NHSL1: variants seen among roughly 807,000 people sequenced by gnomAD.
The protein encoded by NHSL1 is NHS like 1.
NHSL1 carries 48 observed loss-of-function variants against 95.0 expected under a neutral mutation model. The ratio of observed to expected loss-of-function variants is 0.51; its 90% CI spans 0.40 to 0.64. NHSL1 has a LOEUF of 0.64. NHSL1 is among the 30% of genes least tolerant of loss of function. The pLI, the probability that NHSL1 is intolerant of heterozygous loss-of-function variation, is 0.00. For synonymous variants in NHSL1, 783 were observed against 833.9 expected, an observed-to-expected ratio of 0.94 and a Z score of 1.05; for missense variants, 1,971 against 2,077.7, an observed-to-expected ratio of 0.95 and a Z score of 1.00.
rs1376839561 is a variant in NHSL1 at position 138,433,693 on chromosome 6, C to T, written c.665-13G>A. The T allele has an allele frequency of 6.6e-7, 1 of 1,506,298 alleles. No homozygotes were observed. Among genetic ancestry groups the T allele is most frequent in the Admixed American group, 2.2e-5 (1 of 45,998 alleles). The allele number at this position is 1,506,298 out of a possible 1,614,324, so 93.3% of individuals were successfully genotyped here. A position where few individuals can be genotyped will look rare whatever the true frequency, so the allele number is the denominator to read the frequency against. On this transcript the variant is annotated splice_polypyrimidine_tract_variant and intron_variant, in intron 5 of 7. Transcript: ENST00000343505. ...CCAGTGCCTGATGCTGGAGATAAAG[C>T]AGAAAGAGGCTTGTTACCTGAAAAT...
At chr6:138,631,851 G>A (rs1784824023) in intron 1 of NHSL1, among the ~76,000 whole-genome samples, 1 of 152,128 alleles carries the variant, frequency 6.6e-6, no homozygotes, top group Non-Finnish European at 1.5e-5. Flanking sequence ...GAAAAGTAAA[G>A]AGGGCTTAGA....
chr6:138,591,889 C>T (rs569145243), intron 1 of NHSL1, among the ~76,000 whole-genome samples: 3 of 152,268 alleles, frequency 2.0e-5, no homozygotes, highest in South Asian at 2.1e-4. Flanking sequence ...ACAGACTACT[C>T]GGTTATCAGA....
At chr6:138,687,007 T>A (rs952449321) in intron 1 of NHSL1, among the ~76,000 whole-genome samples, 2 of 152,132 alleles carry the variant, frequency 1.3e-5, no homozygotes, top group African/African-American at 4.8e-5. Flanking sequence ...GGGACTGGGA[T>A]TAGAGGGGGG....
At position 138,543,240 on chromosome 6, in the gene NHSL1, C is replaced by T. The variant is rs973754618; in HGVS notation, c.16+2383G>A. ...CCTTTGTTAGCCACAGAGACCTTAG[C>T]TGAACTTCGCAGAACATCTTCACAA... On this transcript the variant is annotated intron_variant, in intron 1 of 4. Coordinates refer to the NHSL1 transcript ENST00000342260. Among the ~76,000 whole-genome samples the T allele has an allele frequency of 3.3e-5, 5 of 152,176 alleles. No homozygotes were observed. The South Asian group carries it at 1.0e-3, about 32-fold the overall frequency.
intron 1 of NHSL1, among the ~76,000 whole-genome samples, chr6:138,660,379 T>C (rs1475737653): frequency 1.3e-5 from 2 of 152,114 alleles, no homozygotes; most frequent in African/African-American, 4.8e-5. Flanking sequence ...TCAGACCTGA[T>C]TACATAGAAC....
intron 3 of NHSL1, among the ~76,000 whole-genome samples, chr6:138,460,408 C>T (rs575710817): frequency 1.2e-4 from 18 of 152,146 alleles, no homozygotes; most frequent in Admixed American, 2.6e-4. Context: ...TTAAACCAAC[C>T]ATGGATTAAA....
In NHSL1 at chr6:138,472,076, G is replaced by A. The variant is rs147095267; in HGVS notation, c.339+1230C>T. Among the ~76,000 whole-genome samples the A allele has an allele frequency of 4.3e-3, 659 of 151,914 alleles. 3 individuals are homozygous for A. The highest frequency in any genetic ancestry group is 0.014 in the Middle Eastern group (4 of 294). On this transcript the variant is annotated intron_variant, in intron 3 of 7. Coordinates refer to ENST00000343505, the MANE Select transcript of NHSL1 (RefSeq NM_001144060.2). ...GTGTGCCTGTAATTCCAGCTACTTG[G>A]GAGGCTGAGGTACGAGAATTGCTTG...
chr6:138,435,158 T>A (rs575998430), intron 5 of NHSL1: 1 of 154,510 alleles, frequency 6.5e-6, no homozygotes, highest in South Asian at 2.0e-4. Context: ...AGTGCAAAAT[T>A]TTGCCATTTA....
At chr6:138,446,947 G>C in intron 4 of NHSL1, 54 bp downstream of exon 4, 3 of 1,497,174 alleles carry the variant, frequency 2.0e-6, no homozygotes, top group Non-Finnish European at 2.7e-6. Context: ...AAAACAAAAA[G>C]CTGTAGTCAT....
At chr6:138,546,613 C>T (rs1782811714), upstream of NHSL1, among the ~76,000 whole-genome samples, 1 of 151,532 alleles carries the variant, frequency 6.6e-6, no homozygotes, top group Non-Finnish European at 1.5e-5. Flanking sequence ...TGTCTCAAAA[C>T]AAAAAACAAA....
rs886720023 is a variant in NHSL1 at position 138,469,856 on chromosome 6, C to T, written c.339+3450G>A. ...TGCCCTAAGGTCATCGAATTGGCTA[C>T]GTTATAGTGGGTGGCAAGTGGCTTT... On this transcript the variant is annotated intron_variant, in intron 3 of 7. Transcript: ENST00000343505. Among the ~76,000 whole-genome samples the T allele has an allele frequency of 3.9e-5, 6 of 152,158 alleles. No homozygotes were observed. The East Asian group carries it at 5.8e-4, about 15-fold the overall frequency.
chr6:138,586,768 G>C (rs943585798), intron 1 of NHSL1, among the ~76,000 whole-genome samples: 1 of 152,160 alleles, frequency 6.6e-6, no homozygotes, highest in Admixed American at 6.5e-5. Context: ...CCAGAGCCAA[G>C]CACAGGGCTT....
chr6:138,531,114 T>C (rs1409632496), intron 1 of NHSL1, among the ~76,000 whole-genome samples: 2 of 152,174 alleles, frequency 1.3e-5, no homozygotes, highest in African/African-American at 4.8e-5. Flanking sequence ...ACTTCCAGCC[T>C]ACAGAACTGT....
chr6:138,605,883 C>A (rs370258289), intron 1 of NHSL1, among the ~76,000 whole-genome samples: 1 of 152,150 alleles, frequency 6.6e-6, no homozygotes, highest in African/African-American at 2.4e-5. Context: ...GTGGAAAGTG[C>A]GTGAGTACGA....
chr6:138,422,330 G>A lies in NHSL1; in HGVS notation c.*1751C>T, dbSNP rs1366513118. On this transcript the variant is annotated 3_prime_UTR_variant, in exon 8 of 8. Coordinates refer to ENST00000343505, the MANE Select transcript of NHSL1 (RefSeq NM_001144060.2). ...AAATCTCTGGTCTTGACTTCCGGTT[G>A]TGTGAAGAGCAGTGTTTTGTTTTTT... The A allele has an allele frequency of 6.6e-6, 1 of 152,210 alleles. No individual in the cohort carries two copies. 9.4% of individuals were successfully genotyped at this position (152,210 alleles called of 1,614,324 possible).
intron 1 of NHSL1, among the ~76,000 whole-genome samples, chr6:138,584,104 G>A (rs1784099793): frequency 6.6e-6 from 1 of 152,136 alleles, no homozygotes; most frequent in African/African-American, 2.4e-5. Flanking sequence ...GGGCAACAGA[G>A]CAAGATTTTA....
rs527587072 is a variant in NHSL1 at position 138,526,787 on chromosome 6, A to G, written c.16+18836T>C. On this transcript the variant is annotated intron_variant, in intron 1 of 4. Transcript: ENST00000342260. ...CCCATGAGTTTTGAAATGTAACTTT[A>G]TATCATTTATTTCTTTAAAAAGTCT... 7.9e-5 allele frequency among the ~76,000 whole-genome samples: 12 copies of G among 152,326 alleles called. 1 individual carries two copies. The highest frequency in any genetic ancestry group is 7.8e-4 in the Admixed American group (12 of 15,300).
chr6:138,598,890 G>T (rs926668084), intron 1 of NHSL1, among the ~76,000 whole-genome samples: 10 of 152,216 alleles, frequency 6.6e-5, no homozygotes, highest in African/African-American at 2.4e-4. Context: ...TAAAGTAAAT[G>T]GACTTACATG....
At chr6:138,597,783 A>G (rs1210471163) in intron 1 of NHSL1, among the ~76,000 whole-genome samples, 1 of 152,202 alleles carries the variant, frequency 6.6e-6, no homozygotes. Context: ...CAGGTAGGAC[A>G]TTATATTGAC....
Sources: gnomAD v4.1 joint callset for allele counts (sites outside exome capture counted in the v4.1 genomes callset) on GRCh38, gnomAD v4.1.1 for gene constraint, MANE v1.5 for transcripts, NCBI Gene and HGNC (gene_info 2026-07-23, HGNC 2026-07-21) for gene names.